Variants in SYNE1 observed in about 807,000 individuals in gnomAD.
The protein encoded by SYNE1 is spectrin repeat containing nuclear envelope protein 1, also known as nesprin-1.
Under a neutral mutation model 1,111.0 loss-of-function variants are expected in SYNE1, and 616 were observed. The observed-to-expected ratio is 0.55, with a 90% CI of 0.52 to 0.59. The LOEUF (loss-of-function observed/expected upper bound fraction) is 0.59, where lower values mean the gene tolerates loss of function less well. Among genes scored for constraint, SYNE1 ranks in the 20% least tolerant of loss-of-function variants. The pLI is 0.00. For synonymous variants in SYNE1, 3,855 were observed against 3,825.8 expected (o/e 1.01, Z -0.28); for missense variants, 10,006 against 10,417.0 (o/e 0.96, Z 1.72).
At position 152,471,698 on chromosome 6, in the gene SYNE1, G is replaced by A. The variant is rs1294853722; in HGVS notation, c.1531C>T (p.Arg511Cys). The change falls in exon 16 of 146, where the codon CGT (arginine) becomes TGT (cysteine). Residue 511 changes from arginine to cysteine, a missense_variant. Transcript: ENST00000367255. ...GCAAGAACCAGCAGTGAGAGCAGAC[G>A]GTACTTTAATTCTAAAAATTCCATT... The part of the protein sequence containing the change: ...MKMEFLELKY[R>C]LLSLLVLAES... The A allele has an allele frequency of 1.9e-6, 3 of 1,613,870 alleles. No individual in the cohort carries two copies. Among genetic ancestry groups the A allele is most frequent in the Non-Finnish European group, 2.5e-6 (3 of 1,179,834 alleles).
intron 95 of SYNE1, among the ~76,000 whole-genome samples, chr6:152,289,924 C>G (rs1465657089): frequency 8.7e-6 from 1 of 115,302 alleles, no homozygotes; most frequent in Non-Finnish European, 1.8e-5. Context: ...CCGCGCCCAG[C>G]CTTTTTTTTT....
At chr6:152,396,673 A>G (rs1166406832) in intron 50 of SYNE1, 102 bp downstream of exon 50, 9 of 1,088,248 alleles carry the variant, frequency 8.3e-6, no homozygotes, top group Non-Finnish European at 9.9e-6. Context: ...ATTTAAACTC[A>G]CAGTGTCAAA....
At chr6:152,141,166 A>G (rs1259995035) in intron 139 of SYNE1, 37 bp downstream of exon 139, 15 of 1,613,714 alleles carry the variant, frequency 9.3e-6, no homozygotes, top group African/African-American at 6.7e-5. Flanking sequence ...AGGATCTTCT[A>G]TTTCATTCAC....
chr6:152,502,300 C>A (rs1287450882), intron 10 of SYNE1, among the ~76,000 whole-genome samples: 1 of 152,156 alleles, frequency 6.6e-6, no homozygotes, highest in Non-Finnish European at 1.5e-5. Flanking sequence ...GATTAAAGAT[C>A]TAGATGTGCA....
At chr6:152,322,773 C>T (rs2095907225) in intron 82 of SYNE1, among the ~76,000 whole-genome samples, 1 of 152,200 alleles carries the variant, frequency 6.6e-6, no homozygotes, top group Middle Eastern at 3.2e-3. Context: ...GTTTGCAAAA[C>T]TCAATGCCTA....
rs1477491717 is a variant in SYNE1, at chr6:152,213,677, G to T, written c.22429C>A (p.Gln7477Lys). The change falls in exon 123 of 146, where the codon CAA becomes AAA. Residue 7477 changes from glutamine to lysine, a missense_variant. Gln to Lys is a moderately conservative substitution (Grantham distance 53). Transcript: ENST00000367255. ...CCTGAAATCTCTACTGCTAACTTTT[G>T]TTCTGTCTGAACTAGGAATTCCATC... The part of the protein sequence containing the change: ...TWMEFLVQTE[Q>K]KLAVEISGNY... 1.9e-6 allele frequency: 3 copies of T among 1,613,906 alleles called. No individual in the cohort carries two copies. Among genetic ancestry groups the T allele is most frequent in the East Asian group, 4.5e-5 (2 of 44,874 alleles).
At chr6:152,141,378 G>A in intron 138 of SYNE1, 49 bp from the exon 139 acceptor site, 1 of 1,610,668 alleles carries the variant, frequency 6.2e-7, no homozygotes, top group African/African-American at 1.3e-5. Flanking sequence ...CTTCATGAGT[G>A]CAAAAGCTTC....
chr6:152,122,390 A>G lies in SYNE1; in HGVS notation c.*46T>C, dbSNP rs2152523807. The stretch of plus-strand genomic sequence containing the variant: ...GTAGTTTGGGATTGCTTATGACCCG[A>G]TCCTCCTTATGCTACCAGCACTTCT... On this transcript the variant is annotated 3_prime_UTR_variant, in exon 146 of 146. Transcript: ENST00000367255. The G allele has an allele frequency of 6.2e-7, 1 of 1,613,500 alleles. No individual in the cohort carries two copies.
Position 152,499,197 on chromosome 6 carries a change from C to T in SYNE1, c.889-405G>A, listed in dbSNP as rs143837978. On this transcript the variant is annotated intron_variant, in intron 10 of 145. Coordinates refer to ENST00000367255, the MANE Select transcript of SYNE1 (RefSeq NM_182961.4). ...TAAGAATGTGTTGTGCTTCTTAGGG[C>T]AGTCAGGAATGTTTGTTGCAATGGA... 1.3e-3 allele frequency among the ~76,000 whole-genome samples: 205 copies of T among 152,036 alleles called. 1 individual carries two copies. Among genetic ancestry groups the T allele is most frequent in the Middle Eastern group, 6.8e-3 (2 of 294 alleles).
Position 152,601,373 on chromosome 6 carries a change from A to G in SYNE1, c.67+26892T>C, listed in dbSNP as rs78503396. Among the ~76,000 whole-genome samples, 1,473 of 152,318 alleles carry G rather than the reference A, an allele frequency of 9.7e-3. 21 individuals are homozygous for G. The highest frequency in any genetic ancestry group is 0.034 in the African/African-American group (1,416 of 41,562). On this transcript the variant is annotated intron_variant, in intron 3 of 145. Transcript: ENST00000367255. ...AGGTTCACCTAATCCATGGGTTAAT[A>G]AATATATTTTAGGCAAACCAAAGAA...
chr6:152,557,189 C>T lies in SYNE1; in HGVS notation c.68-17168G>A, dbSNP rs986813502. Among the ~76,000 whole-genome samples, 21 of 151,870 alleles carry T rather than the reference C, an allele frequency of 1.4e-4. No homozygotes were observed. The East Asian group carries it at 1.6e-3, about 11-fold the overall frequency. ...CTGAAAAAAATTGCATAGACAGCTT[C>T]GACAGTAGGTTCAATCAAATAGAAG... On this transcript the variant is annotated intron_variant, in intron 3 of 145. Coordinates refer to ENST00000367255, the MANE Select transcript of SYNE1 (RefSeq NM_182961.4).
chr6:152,136,489 T>G, intron 141 of SYNE1, 129 bp downstream of exon 141: 1 of 1,112,576 alleles, frequency 9.0e-7, no homozygotes, highest in Non-Finnish European at 1.3e-6. Flanking sequence ...GGCACAAGGT[T>G]ATCTCACTGA....
At position 152,419,626 on chromosome 6, in the gene SYNE1, T is replaced by C; in HGVS notation, c.5364A>G (p.Leu1788=). Residue 1788 remains leucine, a synonymous_variant, in exon 40 of 146, where the codon TTA becomes TTG. Transcript: ENST00000367255. ...TTATGCTAATCTCAGAGGTAGTTTG[T>C]AATTCACTGAGAAACAGTTTAATCC... ...SVWIKLFLSE[L]QTTSEISIMD... The C allele has an allele frequency of 1.2e-6, 2 of 1,613,868 alleles. No homozygotes were observed. Among genetic ancestry groups the C allele is most frequent in the Non-Finnish European group, 1.7e-6 (2 of 1,179,942 alleles).
intron 3 of SYNE1, among the ~76,000 whole-genome samples, chr6:152,598,710 G>A (rs2099588767): frequency 6.6e-6 from 1 of 152,190 alleles, no homozygotes; most frequent in Non-Finnish European, 1.5e-5. Flanking sequence ...TGAATCTGAA[G>A]AATTCAAAAT....
At chr6:152,256,054 G>A (rs770615229) in intron 102 of SYNE1, among the ~76,000 whole-genome samples, 7 of 151,994 alleles carry the variant, frequency 4.6e-5, no homozygotes, top group East Asian at 1.9e-4. Flanking sequence ...AGCTGAGATC[G>A]TGCCACTGCA....
chr6:152,317,007 A>G (rs367598019), intron 86 of SYNE1, 21 bp from the exon 87 acceptor site: 6 of 1,613,054 alleles, frequency 3.7e-6, no homozygotes, highest in Non-Finnish European at 5.1e-6. Flanking sequence ...AGTAACATTA[A>G]TGTAACAAAT....
chr6:152,378,648 T>G (rs190836808), intron 56 of SYNE1, among the ~76,000 whole-genome samples: 554 of 152,306 alleles, frequency 3.6e-3, no homozygotes, highest in Non-Finnish European at 5.9e-3. Flanking sequence ...TCAATGATCC[T>G]GCATCTTGAT....
intron 127 of SYNE1, among the ~76,000 whole-genome samples, chr6:152,194,242 TC>T (rs2073475777): frequency 6.6e-6 from 1 of 152,058 alleles, no homozygotes; most frequent in Admixed American, 6.5e-5. Context: ...AGTCTATTTT[TC>T]CTTCATGATT....
At chr6:152,563,178 C>T (rs555460831) in intron 3 of SYNE1, among the ~76,000 whole-genome samples, 1 of 152,104 alleles carries the variant, frequency 6.6e-6, no homozygotes, top group South Asian at 2.1e-4. Context: ...CATATCTCAC[C>T]TATTTTACTG....
Sources: gnomAD v4.1 joint callset for allele counts (sites outside exome capture counted in the v4.1 genomes callset) on GRCh38, gnomAD v4.1.1 for gene constraint, MANE v1.5 for transcripts, NCBI Gene and HGNC (gene_info 2026-07-23, HGNC 2026-07-21) for gene names.